The following TTC29 variants were observed in gnomAD, a reference collection of about 807,000 sequenced individuals.
TTC29 encodes tetratricopeptide repeat protein 29.
TTC29 carries 49 observed loss-of-function variants against 58.1 expected under a neutral mutation model. The ratio of observed to expected loss-of-function variants is 0.84; its 90% CI spans 0.67 to 1.07. The LOEUF (loss-of-function observed/expected upper bound fraction) is 1.07, where lower values mean the gene tolerates loss of function less well. Among genes scored for constraint, TTC29 ranks in the 50% least tolerant of loss-of-function variants. TTC29 has a pLI of 0.00. For synonymous variants in TTC29, 209 were observed against 196.8 expected (o/e 1.06, Z -0.52); for missense variants, 582 against 555.6 (o/e 1.05, Z -0.48).
At chr4:146,808,441 A>T (rs1380999977) in intron 10 of TTC29, among the ~76,000 whole-genome samples, 1 of 152,236 alleles carries the variant, frequency 6.6e-6, no homozygotes, top group East Asian at 1.9e-4. Context: ...GAAGAGAGGA[A>T]GTCAAATTGT....
rs188936911 is a variant in TTC29 at position 146,760,715 on chromosome 4, G to A, written c.1330+42742C>T. 2.6e-3 allele frequency among the ~76,000 whole-genome samples: 387 copies of A among 149,108 alleles called. 1 individual carries two copies. Among genetic ancestry groups the A allele is most frequent in the Non-Finnish European group, 4.1e-3 (276 of 67,444 alleles). ...GACACCCTTTTCAACAAATGGTGCTGGGATCATTGGCTAGCTACATATATA... is the reference window on the plus strand; with the variant it reads ...GACACCCTTTTCAACAAATGGTGCTAGGATCATTGGCTAGCTACATATATA... On this transcript the variant is annotated intron_variant, in intron 11 of 12. Transcript: ENST00000325106.
At chr4:146,726,942 G>T (rs1423055887) in intron 11 of TTC29, among the ~76,000 whole-genome samples, 1 of 151,858 alleles carries the variant, frequency 6.6e-6, no homozygotes, top group Admixed American at 6.6e-5. Flanking sequence ...TTTAAAAAAG[G>T]GTAGACAGTG....
intron 8 of TTC29, among the ~76,000 whole-genome samples, chr4:146,863,495 T>C (rs1579856284): frequency 6.6e-6 from 1 of 152,196 alleles, no homozygotes; most frequent in Non-Finnish European, 1.5e-5. Context: ...ACAGAAGCAA[T>C]AGGATAGATG....
At position 146,707,184 on chromosome 4, in the gene TTC29, G is replaced by A. The variant is rs764999843; in HGVS notation, c.1402C>T (p.Pro468Ser). 5.2e-5 allele frequency: 79 copies of A among 1,510,918 alleles called. No homozygotes were observed. Among genetic ancestry groups the A allele is most frequent in the Non-Finnish European group, 6.8e-5 (76 of 1,124,216 alleles). 93.6% of individuals were successfully genotyped at this position (1,510,918 alleles called of 1,614,324 possible). Reference protein sequence around the residue: ...SERLEELSRFPGDQKNET With the variant: ...SERLEELSRFSGDQKNET ...TAAGTTTCATTTTTTTGATCACCTG[G>A]AAACCTGAAATAAAATAAATTATAA... is the stretch of plus-strand genomic sequence containing the variant. Residue 468 changes from proline to serine, a missense_variant, in exon 13 of 13, where the codon CCA (proline) becomes TCA (serine). Pro to Ser is a moderately conservative substitution (Grantham distance 74). Coordinates refer to ENST00000325106, the MANE Select transcript of TTC29 (RefSeq NM_031956.4).
intron 2 of TTC29, among the ~76,000 whole-genome samples, chr4:146,944,712 ATCAT>A (rs1459031784): frequency 1.3e-5 from 2 of 152,230 alleles, no homozygotes; most frequent in East Asian, 1.9e-4. Flanking sequence ...TTTACTAAAA[ATCAT>A]TCATAAGAAT....
At chr4:146,940,005 T>A (rs935515515) in intron 2 of TTC29, 104 bp from the exon 3 acceptor site, 19 of 1,119,170 alleles carry the variant, frequency 1.7e-5, no homozygotes, top group Non-Finnish European at 1.1e-5. Context: ...TAGTTGAGAA[T>A]GCCTATGTGT....
rs192097199 is a variant in TTC29 at position 146,848,524 on chromosome 4, T to C, written c.886-14627A>G. ...GTGGTTTATTTAGAGGTGTGATTTA[T>C]TTTATTCTTTGCAACCAATGCCTTT... On this transcript the variant is annotated intron_variant, in intron 8 of 12. Coordinates refer to ENST00000325106, the MANE Select transcript of TTC29 (RefSeq NM_031956.4). Among the ~76,000 whole-genome samples the C allele has an allele frequency of 4.6e-5, 7 of 152,368 alleles. No homozygotes were observed. The East Asian group carries it at 1.3e-3, about 29-fold the overall frequency.
chr4:146,863,937 G>T (rs1420254439), intron 8 of TTC29, among the ~76,000 whole-genome samples: 2 of 152,114 alleles, frequency 1.3e-5, no homozygotes, highest in Non-Finnish European at 2.9e-5. Context: ...AAGGCCATCT[G>T]CTTTACTCAA....
At chr4:146,925,772 A>G (rs2357278) in intron 4 of TTC29, among the ~76,000 whole-genome samples, 71,185 of 151,954 alleles carry the variant, frequency 0.47, 17,479 homozygotes, top group African/African-American at 0.61. Flanking sequence ...ATTGCAGAAC[A>G]ACTGAGTTCT....
chr4:146,792,886 G>C (rs192986542), intron 11 of TTC29, among the ~76,000 whole-genome samples: 1 of 152,110 alleles, frequency 6.6e-6, no homozygotes, highest in Admixed American at 6.6e-5. Context: ...TGATTGCAGC[G>C]CTCATGGATG....
chr4:146,752,684 G>T (rs1351214735), intron 11 of TTC29, among the ~76,000 whole-genome samples: 2 of 152,018 alleles, frequency 1.3e-5, no homozygotes, highest in African/African-American at 4.8e-5. Flanking sequence ...AAACAGCATG[G>T]TACTGGTACC....
At chr4:146,941,422 A>C (rs1413197781) in intron 2 of TTC29, among the ~76,000 whole-genome samples, 3 of 152,226 alleles carry the variant, frequency 2.0e-5, no homozygotes, top group African/African-American at 7.2e-5. Flanking sequence ...CCAAAGATAC[A>C]GCAGTGAAGA....
At chr4:146,901,397 T>C (rs1479001058) in intron 6 of TTC29, among the ~76,000 whole-genome samples, 1 of 152,232 alleles carries the variant, frequency 6.6e-6, no homozygotes, top group Non-Finnish European at 1.5e-5. Flanking sequence ...TTATATCTTA[T>C]TTTTCTATTT....
chr4:146,930,120 C>CAT (rs1234747132), intron 4 of TTC29, among the ~76,000 whole-genome samples: 2 of 44,488 alleles, frequency 4.5e-5, no homozygotes, highest in African/African-American at 9.7e-5. Context: ...TATATATATA[C>CAT]ACACATATAT....
At chr4:146,844,132 TAA>T (rs965590996) in intron 8 of TTC29, among the ~76,000 whole-genome samples, 2 of 152,196 alleles carry the variant, frequency 1.3e-5, no homozygotes, top group African/African-American at 2.4e-5. Flanking sequence ...TTTCACATGC[TAA>T]GAGTTTACAT....
intron 9 of TTC29, among the ~76,000 whole-genome samples, chr4:146,824,543 G>T (rs1727630289): frequency 7.0e-6 from 1 of 143,118 alleles, no homozygotes; most frequent in African/African-American, 2.7e-5. Context: ...GTTCATCGGG[G>T]ATATTGGCCT....
At chr4:146,787,350 C>T (rs1185201645) in intron 11 of TTC29, among the ~76,000 whole-genome samples, 1 of 151,960 alleles carries the variant, frequency 6.6e-6, no homozygotes, top group Non-Finnish European at 1.5e-5. Flanking sequence ...TTGATATGTA[C>T]CTATTATATT....
chr4:146,794,961 G>C (rs1749738018), intron 11 of TTC29, among the ~76,000 whole-genome samples: 1 of 151,996 alleles, frequency 6.6e-6, no homozygotes, highest in Admixed American at 6.6e-5. Context: ...TCATATTAGA[G>C]GTTAATAAAT....
At chr4:146,734,284 C>T (rs1744555011) in intron 11 of TTC29, among the ~76,000 whole-genome samples, 1 of 152,106 alleles carries the variant, frequency 6.6e-6, no homozygotes, top group Non-Finnish European at 1.5e-5. Context: ...ATTGGGGGAG[C>T]TTCTGGGTAG....
Sources: gnomAD v4.1 joint callset for allele counts (sites outside exome capture counted in the v4.1 genomes callset) on GRCh38, gnomAD v4.1.1 for gene constraint, MANE v1.5 for transcripts, NCBI Gene and HGNC (gene_info 2026-07-23, HGNC 2026-07-21) for gene names.